Variants in ANK2 observed in about 807,000 individuals in gnomAD.
ANK2 encodes the protein ankyrin 2, also known as ankyrin-2.
Under a neutral mutation model 360.5 loss-of-function variants are expected in ANK2, and 83 were observed. The observed-to-expected ratio is 0.23, with a 90% CI of 0.19 to 0.28. The LOEUF is 0.28. ANK2 is among the 10% of genes least tolerant of loss of function. The pLI, the probability that ANK2 is intolerant of heterozygous loss-of-function variation, is 1.00. For missense variants in ANK2, 4,201 were observed against 4,795.7 expected (o/e 0.88, Z 3.66); for synonymous variants, 1,740 against 1,759.5 (o/e 0.99, Z 0.28).
chr4:113,128,785 C>T (rs2095827045), intron 1 of ANK2, among the ~76,000 whole-genome samples: 1 of 152,014 alleles, frequency 6.6e-6, no homozygotes, highest in Non-Finnish European at 1.5e-5. Context: ...CACCGGAACT[C>T]GTTGTTTTTA....
chr4:113,296,261 G>A (rs2071386434), intron 22 of ANK2, among the ~76,000 whole-genome samples: 1 of 152,108 alleles, frequency 6.6e-6, no homozygotes, highest in South Asian at 2.1e-4. Context: ...TTGTGGGAGA[G>A]TGATATTCAA....
chr4:113,017,356 A>G (rs1296206871), intron 2 of ANK2, among the ~76,000 whole-genome samples: 2 of 151,594 alleles, frequency 1.3e-5, no homozygotes, highest in Non-Finnish European at 2.9e-5. Flanking sequence ...GCTCTACAGA[A>G]TTTTTTTTAA....
At chr4:112,832,591 T>C (rs1265148570) in intron 1 of ANK2, among the ~76,000 whole-genome samples, 1 of 152,208 alleles carries the variant, frequency 6.6e-6, no homozygotes, top group Non-Finnish European at 1.5e-5. Flanking sequence ...TGCTGCAGAA[T>C]TGTAAATGCC....
At chr4:113,214,750 T>C (rs2153463830) in intron 4 of ANK2, among the ~76,000 whole-genome samples, 1 of 152,248 alleles carries the variant, frequency 6.6e-6, no homozygotes, top group Middle Eastern at 3.4e-3. Context: ...CATCAGAGGG[T>C]GCTTGCATGA....
intron 2 of ANK2, among the ~76,000 whole-genome samples, chr4:113,194,978 T>G (rs142255447): frequency 6.6e-6 from 1 of 152,122 alleles, no homozygotes; most frequent in Admixed American, 6.6e-5. Context: ...AACTGATAGA[T>G]ATGTAGAACA....
chr4:113,309,612 G>A (rs1023804344), intron 23 of ANK2, among the ~76,000 whole-genome samples: 3 of 152,006 alleles, frequency 2.0e-5, no homozygotes, highest in Non-Finnish European at 2.9e-5. Context: ...TCGACTTCCT[G>A]GGCTCAAGCG....
At position 113,354,511 on chromosome 4, in the gene ANK2, C is replaced by T. The variant is rs2095620859; in HGVS notation, c.5893C>T (p.Pro1965Ser). The T allele has an allele frequency of 6.2e-7, 1 of 1,614,128 alleles. No individual in the cohort carries two copies. Among genetic ancestry groups the T allele is most frequent in the Non-Finnish European group, 8.5e-7 (1 of 1,179,988 alleles). The change falls in exon 38 of 46, where the codon CCT (proline) becomes TCT (serine). Residue 1965 changes from proline to serine, a missense_variant. Coordinates refer to ENST00000357077, the MANE Select transcript of ANK2 (RefSeq NM_001148.6). ...GKTEKHLPVSPSGKTEKQPPV... is the reference protein window; with the variant it reads ...GKTEKHLPVSSSGKTEKQPPV... ...AACTGAGAAGCACCTGCCTGTGTCA[C>T]CTTCTGGCAAAACAGAAAAGCAACC...
chr4:112,773,498 C>T, the ANK2 span, among the ~76,000 whole-genome samples: 1,367 of 152,334 alleles, frequency 9.0e-3, 18 homozygotes, highest in African/African-American at 0.027. Context: ...TTCCCACCTA[C>T]CCTTAGACTC....
chr4:113,287,537 T>C (rs2065292559), intron 18 of ANK2, 68 bp from the exon 19 acceptor site: 1 of 1,174,436 alleles, frequency 8.5e-7, no homozygotes, highest in Non-Finnish European at 1.3e-6. Flanking sequence ...TATTTTTTCA[T>C]AATATTATAG....
chr4:113,133,737 T>G (rs1276498175), intron 1 of ANK2, among the ~76,000 whole-genome samples: 2 of 152,148 alleles, frequency 1.3e-5, no homozygotes, highest in Non-Finnish European at 2.9e-5. Context: ...ATGCACTGAC[T>G]TATTTAATCT....
intron 2 of ANK2, among the ~76,000 whole-genome samples, chr4:112,917,457 A>G (rs192446343): frequency 6.2e-4 from 94 of 152,370 alleles, no homozygotes; most frequent in African/African-American, 2.2e-3. Context: ...TACAAACTGT[A>G]GGACTACATT....
chr4:112,763,550 C>G, the ANK2 span, among the ~76,000 whole-genome samples: 2 of 125,368 alleles, frequency 1.6e-5, no homozygotes, highest in Admixed American at 8.4e-5. Context: ...TTCTTTTCCC[C>G]TAGTCGGAGT....
At chr4:112,916,362 G>A (rs2151096547) in intron 2 of ANK2, among the ~76,000 whole-genome samples, 1 of 152,314 alleles carries the variant, frequency 6.6e-6, no homozygotes, top group South Asian at 2.1e-4. Flanking sequence ...ATGAGCCTCA[G>A]TGATAGAAAA....
intron 1 of ANK2, among the ~76,000 whole-genome samples, chr4:113,102,902 A>T (rs1435293562): frequency 1.3e-5 from 2 of 152,048 alleles, no homozygotes; most frequent in Admixed American, 1.3e-4. Context: ...TTTCCTATCC[A>T]TCTATTCTCC....
the ANK2 span, among the ~76,000 whole-genome samples, chr4:112,725,118 A>T: frequency 2.6e-5 from 4 of 151,540 alleles, no homozygotes; most frequent in African/African-American, 9.7e-5. Context: ...TGTCTCTACT[A>T]AAATACAAAA....
At chr4:113,183,054 C>A (rs1360573519) in intron 2 of ANK2, among the ~76,000 whole-genome samples, 1 of 151,928 alleles carries the variant, frequency 6.6e-6, no homozygotes, top group African/African-American at 2.4e-5. Context: ...CTGGCTTTTG[C>A]TAGAATCGTG....
At chr4:113,114,255 G>T (rs1023939284) in intron 1 of ANK2, among the ~76,000 whole-genome samples, 1 of 151,962 alleles carries the variant, frequency 6.6e-6, no homozygotes, top group Non-Finnish European at 1.5e-5. Context: ...GCCATCCCAA[G>T]GAAAGATACC....
At chr4:113,072,621 C>T (rs1020577985) in intron 1 of ANK2, among the ~76,000 whole-genome samples, 8 of 152,064 alleles carry the variant, frequency 5.3e-5, no homozygotes, top group Non-Finnish European at 7.4e-5. Context: ...AAATTGTGTA[C>T]GGAGGTTCTG....
intron 1 of ANK2, among the ~76,000 whole-genome samples, chr4:113,111,084 A>G (rs1338213125): frequency 6.6e-6 from 1 of 152,232 alleles, no homozygotes; most frequent in Non-Finnish European, 1.5e-5. Flanking sequence ...AAGCATTATT[A>G]ATTTATATGT....
Sources: allele counts gnomAD v4.1 joint callset (sites outside exome capture counted in the v4.1 genomes callset), GRCh38; gene constraint gnomAD v4.1.1; transcripts MANE v1.5; gene names NCBI Gene and HGNC (gene_info 2026-07-23, HGNC 2026-07-21).